The following MFHAS1 variants were observed in gnomAD, a reference collection of about 807,000 sequenced individuals.
MFHAS1 encodes multifunctional ROCO family signaling regulator 1.
A neutral mutation model predicts 70.4 loss-of-function variants in MFHAS1; 50 were observed. The ratio of observed to expected loss-of-function variants is 0.71; its 90% CI spans 0.57 to 0.90. MFHAS1 has a LOEUF of 0.90. Ranked by LOEUF, MFHAS1 falls within the 40% of genes least tolerant of loss-of-function variation. MFHAS1 has a pLI of 0.00. For synonymous variants in MFHAS1, 952 were observed against 620.0 expected, an observed-to-expected ratio of 1.54 and a Z score of -7.96; for missense variants, 1,795 against 1,347.6, an observed-to-expected ratio of 1.33 and a Z score of -5.20.
chr8:8,795,475 G>A lies in MFHAS1; in HGVS notation c.3125+1890C>T, dbSNP rs1585018734. Among the ~76,000 whole-genome samples the A allele has an allele frequency of 2.6e-5, 4 of 152,206 alleles. No homozygotes were observed. The South Asian group carries it at 8.3e-4, about 32-fold the overall frequency. On this transcript the variant is annotated intron_variant, in intron 2 of 2. Coordinates refer to ENST00000276282, the MANE Select transcript of MFHAS1 (RefSeq NM_004225.3). ...CACTTCAAGATTCACAATGTCTTAG[G>A]GTCAGTGATAAATTAAACTATGCAC...
At position 8,783,646 on chromosome 8, in the gene MFHAS1, G is replaced by C. The variant is rs1328499417; in HGVS notation, c.*2376C>G. The C allele has an allele frequency of 6.6e-6, 1 of 152,252 alleles. No individual in the cohort carries two copies. The highest frequency in any genetic ancestry group is 1.9e-4 in the East Asian group (1 of 5,182). The allele number at this position is 152,252 out of a possible 1,614,324, so 9.4% of individuals were successfully genotyped here. A position where few individuals can be genotyped will look rare whatever the true frequency, so the allele number is the denominator to read the frequency against. ...AGTGGTTTTGATACCACAAGTTGCA[G>C]GAATAGAAACCCTAACAAACTTGGA... On this transcript the variant is annotated 3_prime_UTR_variant, in exon 3 of 3. Coordinates refer to ENST00000276282, the MANE Select transcript of MFHAS1 (RefSeq NM_004225.3).
chr8:8,837,850 A>G (rs1415292490), intron 1 of MFHAS1, among the ~76,000 whole-genome samples: 5 of 152,334 alleles, frequency 3.3e-5, no homozygotes, highest in African/African-American at 1.2e-4. Flanking sequence ...TACAACCGCT[A>G]CAGAAAACAG....
intron 1 of MFHAS1, among the ~76,000 whole-genome samples, chr8:8,859,799 T>C (rs1304966179): frequency 6.6e-6 from 1 of 152,238 alleles, no homozygotes; most frequent in African/African-American, 2.4e-5. Context: ...AGTAGGCTAT[T>C]AGTAGTTAAA....
chr8:8,835,361 C>A (rs1039966179), intron 1 of MFHAS1, among the ~76,000 whole-genome samples: 2 of 152,146 alleles, frequency 1.3e-5, no homozygotes, highest in Admixed American at 1.3e-4. Flanking sequence ...AAACACTATC[C>A]TGTCCCACGG....
At chr8:8,798,776 C>T (rs943187910) in intron 1 of MFHAS1, among the ~76,000 whole-genome samples, 1 of 152,056 alleles carries the variant, frequency 6.6e-6, no homozygotes, top group Non-Finnish European at 1.5e-5. Flanking sequence ...GGGCTGGGCG[C>T]GGTGGCTCAC....
At chr8:8,805,842 C>T (rs756083485) in intron 1 of MFHAS1, among the ~76,000 whole-genome samples, 7 of 151,278 alleles carry the variant, frequency 4.6e-5, no homozygotes, top group African/African-American at 1.2e-4. Flanking sequence ...GGATTACAGG[C>T]GCGCACCACC....
At chr8:8,831,563 T>C (rs867442736) in intron 1 of MFHAS1, among the ~76,000 whole-genome samples, 5 of 151,160 alleles carry the variant, frequency 3.3e-5, no homozygotes, top group African/African-American at 1.2e-4. Context: ...AACAGACATA[T>C]AGATCAATAG....
intron 1 of MFHAS1, among the ~76,000 whole-genome samples, chr8:8,888,957 T>A (rs1421659460): frequency 6.9e-6 from 1 of 145,828 alleles, no homozygotes; most frequent in Non-Finnish European, 1.5e-5. Flanking sequence ...AGGGGATATA[T>A]GGGAAATCTC....
At chr8:8,789,864 C>T (rs1017021048) in intron 2 of MFHAS1, among the ~76,000 whole-genome samples, 7 of 152,134 alleles carry the variant, frequency 4.6e-5, no homozygotes, top group African/African-American at 1.7e-4. Context: ...AAGGCAACCC[C>T]TCTGCCCCAG....
At chr8:8,845,411 T>C (rs1807995507) in intron 1 of MFHAS1, among the ~76,000 whole-genome samples, 1 of 152,170 alleles carries the variant, frequency 6.6e-6, no homozygotes, top group Non-Finnish European at 1.5e-5. Context: ...TACCGGGTAG[T>C]GAAACCCAAG....
At chr8:8,840,461 C>CAAAAAAAAAAA (rs141909980) in intron 1 of MFHAS1, among the ~76,000 whole-genome samples, 4 of 82,116 alleles carry the variant, frequency 4.9e-5, no homozygotes, top group Non-Finnish European at 1.0e-4. Flanking sequence ...CATCTCAATA[C>CAAAAAAAAAAA]AAAAAAAAAA....
rs1806965375 is a variant in MFHAS1, at chr8:8,821,768, G to A, written c.2999-24277C>T. 2.6e-5 allele frequency: 4 copies of A among 152,232 alleles called. No individual in the cohort carries two copies. In the South Asian group the frequency reaches 8.3e-4, roughly 32 times the overall value. 9.4% of individuals were successfully genotyped at this position (152,232 alleles called of 1,614,324 possible). A position where few individuals can be genotyped will look rare whatever the true frequency, so the allele number is the denominator to read the frequency against. The stretch of plus-strand genomic sequence containing the variant: ...TATTGCTATCAAACCTAGTCTAGGT[G>A]CCTAATAGTAACTTTTCCAACTATG... On this transcript the variant is annotated intron_variant, in intron 1 of 2. Transcript: ENST00000276282.
At chr8:8,868,170 C>T (rs1241800352) in intron 1 of MFHAS1, among the ~76,000 whole-genome samples, 1 of 151,968 alleles carries the variant, frequency 6.6e-6, no homozygotes. Flanking sequence ...GGTGCTTATT[C>T]CTTGCTGCAA....
At chr8:8,850,651 A>G (rs535850605) in intron 1 of MFHAS1, among the ~76,000 whole-genome samples, 1 of 152,204 alleles carries the variant, frequency 6.6e-6, no homozygotes, top group South Asian at 2.1e-4. Context: ...CCTGGCCAAC[A>G]TGGCAAAACC....
At chr8:8,824,277 C>A (rs538194442) in intron 1 of MFHAS1, among the ~76,000 whole-genome samples, 66 of 152,150 alleles carry the variant, frequency 4.3e-4, no homozygotes, top group African/African-American at 1.3e-3. Context: ...CTAAGCATCT[C>A]ACATCTTGCA....
At chr8:8,793,951 G>A (rs894588913) in intron 2 of MFHAS1, among the ~76,000 whole-genome samples, 1 of 152,180 alleles carries the variant, frequency 6.6e-6, no homozygotes, top group African/African-American at 2.4e-5. Flanking sequence ...ATTTTCGGAG[G>A]CTGAGGCAGA....
chr8:8,865,756 A>C (rs1808831439), intron 1 of MFHAS1, among the ~76,000 whole-genome samples: 1 of 152,254 alleles, frequency 6.6e-6, no homozygotes, highest in South Asian at 2.1e-4. Flanking sequence ...ACTTAGTCCA[A>C]CTATTTTTGG....
intron 2 of MFHAS1, among the ~76,000 whole-genome samples, chr8:8,789,019 T>C (rs1805641625): frequency 2.0e-5 from 3 of 152,188 alleles, no homozygotes; most frequent in Non-Finnish European, 2.9e-5. Flanking sequence ...AGAGATGTGA[T>C]GAGGTCTGAT....
rs1234498319 is a variant in MFHAS1 at position 8,783,891 on chromosome 8, G to A, written c.*2131C>T. On this transcript the variant is annotated 3_prime_UTR_variant, in exon 3 of 3. Transcript: ENST00000276282. ...AAACAAATTCTCAAGCTTCTCTGGAGCATCTTTTGGTCACATGACCCTCGA... is the reference window on the plus strand; with the variant it reads ...AAACAAATTCTCAAGCTTCTCTGGAACATCTTTTGGTCACATGACCCTCGA... 1.3e-5 allele frequency: 2 copies of A among 152,166 alleles called. No individual in the cohort carries two copies. The highest frequency in any genetic ancestry group is 2.1e-4 in the South Asian group (1 of 4,830). The allele number at this position is 152,166 out of a possible 1,614,324, so 9.4% of individuals were successfully genotyped here.
Sources: gnomAD v4.1 joint callset for allele counts (sites outside exome capture counted in the v4.1 genomes callset) on GRCh38, gnomAD v4.1.1 for gene constraint, MANE v1.5 for transcripts, NCBI Gene and HGNC (gene_info 2026-07-23, HGNC 2026-07-21) for gene names.